DLGAP1: variants seen among roughly 807,000 people sequenced by gnomAD.
The protein encoded by DLGAP1 is disks large-associated protein 1.
A neutral mutation model predicts 90.8 loss-of-function variants in DLGAP1; 11 were observed. That is an observed-to-expected ratio of 0.12 (90% confidence interval 0.08 to 0.20). The LOEUF (loss-of-function observed/expected upper bound fraction) is 0.20. Among genes scored for constraint, DLGAP1 ranks in the 10% least tolerant of loss-of-function variants. The probability of loss-of-function intolerance (pLI) is 1.00; values close to 1 mark genes in which losing one functional copy is unlikely to be tolerated. For synonymous variants in DLGAP1, 558 were observed against 540.7 expected (o/e 1.03, Z -0.44); for missense variants, 1,050 against 1,333.8 (o/e 0.79, Z 3.31).
At chr18:4,276,803 A>T (rs1156514149) in intron 1 of DLGAP1, among the ~76,000 whole-genome samples, 1 of 152,190 alleles carries the variant, frequency 6.6e-6, no homozygotes, top group Non-Finnish European at 1.5e-5. Flanking sequence ...ATTTTGTGTG[A>T]TTCTTAAGTG....
chr18:3,578,943 A>T (rs1032825786), intron 8 of DLGAP1, among the ~76,000 whole-genome samples: 1 of 152,218 alleles, frequency 6.6e-6, no homozygotes, highest in African/African-American at 2.4e-5. Context: ...ATTCACTAAA[A>T]TATCCAACTA....
intron 7 of DLGAP1, among the ~76,000 whole-genome samples, chr18:3,718,970 A>G (rs1281543212): frequency 1.3e-5 from 2 of 151,902 alleles, no homozygotes; most frequent in African/African-American, 4.8e-5. Context: ...AAATTTCTCA[A>G]ATTTGGCAAT....
Position 4,454,795 on chromosome 18 carries a change from G to C in DLGAP1, c.-267+211C>G, listed in dbSNP as rs2083931583. Among the ~76,000 whole-genome samples the C allele has an allele frequency of 6.6e-6, 1 of 151,858 alleles. No individual in the cohort carries two copies. Among genetic ancestry groups the C allele is most frequent in the African/African-American group, 2.4e-5 (1 of 41,380 alleles). On this transcript the variant is annotated intron_variant, in intron 1 of 12. Coordinates refer to ENST00000315677, the MANE Select transcript of DLGAP1 (RefSeq NM_004746.4). The surrounding 1 kb of genome is among the most constrained non-coding windows in gnomAD (Gnocchi z 4.7). ...GACGCGCTCGCCCCCGAGATCCCAGGTTACCCGGAGGGCCCGGGAGTGCAC... is the reference window on the plus strand; with the variant it reads ...GACGCGCTCGCCCCCGAGATCCCAGCTTACCCGGAGGGCCCGGGAGTGCAC...
intron 4 of DLGAP1, among the ~76,000 whole-genome samples, chr18:3,844,810 G>A (rs969558878): frequency 3.9e-5 from 6 of 152,114 alleles, no homozygotes; most frequent in Non-Finnish European, 5.9e-5. Context: ...CATGATGTAC[G>A]TATTCTGCTT....
chr18:4,330,131 C>T (rs1598913803), intron 1 of DLGAP1, among the ~76,000 whole-genome samples: 1 of 151,946 alleles, frequency 6.6e-6, no homozygotes, highest in African/African-American at 2.4e-5. Flanking sequence ...TGCATTTCAT[C>T]TTAGTTGTCA....
chr18:4,288,745 C>T (rs2079769372), intron 1 of DLGAP1, among the ~76,000 whole-genome samples: 1 of 152,126 alleles, frequency 6.6e-6, no homozygotes, highest in African/African-American at 2.4e-5. Flanking sequence ...TAAAATCAAT[C>T]CGCTTGCTGC....
At position 4,035,217 on chromosome 18, in the gene DLGAP1, G is replaced by A. The variant is rs541943766; in HGVS notation, c.-158-30016C>T. ...CAGTAATGGGATGGCTGGGTCAAAT[G>A]GTATTTCTAAGCTACTAAGGAGGCT... On this transcript the variant is annotated intron_variant, in intron 2 of 12. Transcript: ENST00000315677. 6.6e-5 allele frequency among the ~76,000 whole-genome samples: 10 copies of A among 152,208 alleles called. 1 individual carries two copies. Among genetic ancestry groups the A allele is most frequent in the African/African-American group, 1.9e-4 (8 of 41,522 alleles).
intron 2 of DLGAP1, among the ~76,000 whole-genome samples, chr18:4,127,979 A>C (rs1598445817): frequency 6.6e-6 from 1 of 152,200 alleles, no homozygotes; most frequent in African/African-American, 2.4e-5. Flanking sequence ...TTTTTCAAAA[A>C]GCATTTTGAG....
rs1172713199 is a variant in DLGAP1 at position 4,378,504 on chromosome 18, C to A, written c.-267+76502G>T. On this transcript the variant is annotated intron_variant, in intron 1 of 12. Coordinates refer to ENST00000315677, the MANE Select transcript of DLGAP1 (RefSeq NM_004746.4). The surrounding 1 kb of genome is among the most constrained non-coding windows in gnomAD (Gnocchi z 4.5). Reference sequence around the variant, plus strand: ...GTCTTATTGGTAAGTAGGTTTGATACCTTGAGACGAAATATCAAGATTTAT... The same window carrying A: ...GTCTTATTGGTAAGTAGGTTTGATAACTTGAGACGAAATATCAAGATTTAT... 6.6e-6 allele frequency among the ~76,000 whole-genome samples: 1 copy of A among 151,996 alleles called. No homozygotes were observed. Among genetic ancestry groups the A allele is most frequent in the African/African-American group, 2.4e-5 (1 of 41,400 alleles).
In DLGAP1 at chr18:3,879,547, C is replaced by T. The variant is rs768121524; in HGVS notation, c.522G>A (p.Gln174=). The stretch of plus-strand genomic sequence containing the variant: ...TGCTGCGTTTGCCATAGCGCGCCGC[C>T]TGCGCCTCGTCAGGGCTGGCCTTGC... ...NGGKASPDEA[Q]AARYGKRSKS... The change falls in exon 4 of 13, where the codon CAG becomes CAA. Residue 174 remains glutamine, a synonymous_variant. Coordinates refer to ENST00000315677, the MANE Select transcript of DLGAP1 (RefSeq NM_004746.4). The surrounding 1 kb of genome is among the most constrained non-coding windows in gnomAD (Gnocchi z 6.6). The T allele has an allele frequency of 6.3e-7, 1 of 1,599,500 alleles. No homozygotes were observed. The highest frequency in any genetic ancestry group is 8.5e-7 in the Non-Finnish European group (1 of 1,177,908).
At chr18:4,098,012 C>CA (rs1304661344) in intron 2 of DLGAP1, among the ~76,000 whole-genome samples, 1 of 152,186 alleles carries the variant, frequency 6.6e-6, no homozygotes, top group Non-Finnish European at 1.5e-5. Flanking sequence ...CTCTGGGACT[C>CA]AATCGATCCT....
At chr18:4,046,055 A>C (rs987409590) in intron 2 of DLGAP1, among the ~76,000 whole-genome samples, 1 of 152,244 alleles carries the variant, frequency 6.6e-6, no homozygotes, top group Non-Finnish European at 1.5e-5. Flanking sequence ...ATCAGATTCC[A>C]TAAGAAGCTT....
At chr18:4,395,277 T>C (rs941158709) in intron 1 of DLGAP1, among the ~76,000 whole-genome samples, 1 of 152,228 alleles carries the variant, frequency 6.6e-6, no homozygotes, top group African/African-American at 2.4e-5. Context: ...TAATATTTTC[T>C]TTTTCCTTTT....
chr18:4,226,530 CAA>C lies in DLGAP1; in HGVS notation c.-266-75245_-266-75244del, dbSNP rs546568311. Among the ~76,000 whole-genome samples the C allele has an allele frequency of 3.0e-3, 462 of 151,570 alleles. 3 individuals carry two copies. Among genetic ancestry groups the C allele is most frequent in the African/African-American group, 0.011 (444 of 41,450 alleles). ...TATAATAAGATATAAATAGAAATAA[CAA>C]AAAGTTAAAAAGTGTGGGGACAAAG... On this transcript the variant is annotated intron_variant, in intron 1 of 12. Coordinates refer to ENST00000315677, the MANE Select transcript of DLGAP1 (RefSeq NM_004746.4).
chr18:4,421,697 A>G (rs1033507572), intron 1 of DLGAP1, among the ~76,000 whole-genome samples: 4 of 151,972 alleles, frequency 2.6e-5, no homozygotes, highest in Non-Finnish European at 4.4e-5. Flanking sequence ...TTGCCTTTAT[A>G]GTTTTTTAGT....
intron 7 of DLGAP1, among the ~76,000 whole-genome samples, chr18:3,613,007 A>C (rs1389251972): frequency 6.6e-6 from 1 of 151,702 alleles, no homozygotes; most frequent in Non-Finnish European, 1.5e-5. Flanking sequence ...TGCCCGGCTA[A>C]TTTTTTTGTA....
intron 1 of DLGAP1, among the ~76,000 whole-genome samples, chr18:4,244,399 A>G (rs1489195036): frequency 2.6e-5 from 4 of 152,174 alleles, no homozygotes; most frequent in African/African-American, 7.2e-5. Flanking sequence ...TTCTGATAGT[A>G]CCATAATATA....
chr18:4,171,448 C>A (rs1369891394), intron 1 of DLGAP1, among the ~76,000 whole-genome samples: 1 of 151,804 alleles, frequency 6.6e-6, no homozygotes, highest in East Asian at 1.9e-4. Context: ...GCCTGTAGTC[C>A]CAGCTACTCG....
At chr18:3,853,120 T>C (rs1169512380) in intron 4 of DLGAP1, among the ~76,000 whole-genome samples, 4 of 152,118 alleles carry the variant, frequency 2.6e-5, no homozygotes, top group Non-Finnish European at 5.9e-5. Context: ...GGTCTTTTTC[T>C]GAGTAAATTT....
Sources: allele counts gnomAD v4.1 joint callset (sites outside exome capture counted in the v4.1 genomes callset), GRCh38; gene constraint gnomAD v4.1.1; non-coding constraint Gnocchi (gnomAD v3.1); transcripts MANE v1.5; gene names NCBI Gene and HGNC (gene_info 2026-07-23, HGNC 2026-07-21).